CHRM3: variants seen among roughly 807,000 people sequenced by gnomAD.
The protein encoded by CHRM3 is cholinergic receptor muscarinic 3.
A neutral mutation model predicts 41.8 loss-of-function variants in CHRM3; 11 were observed. The ratio of observed to expected loss-of-function variants is 0.26; its 90% confidence interval spans 0.17 to 0.44. CHRM3 has a LOEUF of 0.44. Ranked by LOEUF, CHRM3 falls within the 20% of genes least tolerant of loss-of-function variation. The pLI, the probability that CHRM3 is intolerant of heterozygous loss-of-function variation, is 1.00. For missense variants in CHRM3, 571 were observed against 745.4 expected, an observed-to-expected ratio of 0.77 and a Z score of 2.72; for synonymous variants, 297 against 301.4, an observed-to-expected ratio of 0.99 and a Z score of 0.15.
intron 1 of CHRM3, among the ~76,000 whole-genome samples, chr1:239,465,877 C>T (rs902716729): frequency 6.6e-6 from 1 of 152,302 alleles, no homozygotes; most frequent in East Asian, 1.9e-4. Context: ...ACCTCTTTCA[C>T]CCCTGCTATC....
intron 5 of CHRM3, among the ~76,000 whole-genome samples, chr1:239,797,963 C>T (rs1031480501): frequency 6.6e-6 from 1 of 152,078 alleles, no homozygotes; most frequent in Non-Finnish European, 1.5e-5. Context: ...GCGGGATGAT[C>T]ACTTGAGCCC....
chr1:239,644,909 G>A (rs182496895), intron 4 of CHRM3, among the ~76,000 whole-genome samples: 152 of 152,290 alleles, frequency 1.0e-3, no homozygotes, highest in African/African-American at 1.3e-3. Flanking sequence ...AGATAAGTGG[G>A]CCTACTTGAG....
At chr1:239,605,810 T>G (rs1666173370) in intron 3 of CHRM3, among the ~76,000 whole-genome samples, 1 of 152,194 alleles carries the variant, frequency 6.6e-6, no homozygotes, top group African/African-American at 2.4e-5. Context: ...TGAGTGGTAA[T>G]GAAGGTTTTT....
At chr1:239,495,293 G>C (rs538504955) in intron 2 of CHRM3, among the ~76,000 whole-genome samples, 1 of 152,206 alleles carries the variant, frequency 6.6e-6, no homozygotes, top group Non-Finnish European at 1.5e-5. Context: ...TAGGCATTTG[G>C]GTCTTCCCCA....
intron 3 of CHRM3, among the ~76,000 whole-genome samples, chr1:239,558,576 T>A (rs1660585083): frequency 6.6e-6 from 1 of 152,206 alleles, no homozygotes; most frequent in African/African-American, 2.4e-5. Flanking sequence ...TTTCCCTAAT[T>A]GCTTACTTTC....
chr1:239,850,956 A>G (rs1186776463), intron 6 of CHRM3, among the ~76,000 whole-genome samples: 7 of 152,132 alleles, frequency 4.6e-5, no homozygotes, highest in African/African-American at 1.2e-4. Context: ...TAGGTTTCCA[A>G]TTATGGGATA....
At chr1:239,556,627 T>C (rs931450948) in intron 3 of CHRM3, among the ~76,000 whole-genome samples, 3 of 152,184 alleles carry the variant, frequency 2.0e-5, no homozygotes, top group Non-Finnish European at 4.4e-5. Flanking sequence ...ATTCCGATAC[T>C]TCTAATACTA....
At chr1:239,723,998 C>G (rs1234577338) in intron 5 of CHRM3, among the ~76,000 whole-genome samples, 1 of 151,868 alleles carries the variant, frequency 6.6e-6, no homozygotes, top group African/African-American at 2.4e-5. Context: ...AGCTGACATT[C>G]ACTGAAGCCA....
intron 5 of CHRM3, among the ~76,000 whole-genome samples, chr1:239,790,133 G>A (rs559159407): frequency 4.6e-5 from 7 of 152,210 alleles, no homozygotes; most frequent in African/African-American, 1.2e-4. Flanking sequence ...TTGATTTTAC[G>A]GGCTCATAGG....
intron 2 of CHRM3, among the ~76,000 whole-genome samples, chr1:239,508,586 A>G (rs1398083471): frequency 6.6e-6 from 1 of 152,178 alleles, no homozygotes; most frequent in Non-Finnish European, 1.5e-5. Context: ...TTCTACACTT[A>G]TTATTCTACT....
At chr1:239,656,346 G>T (rs1672718063) in intron 4 of CHRM3, among the ~76,000 whole-genome samples, 1 of 151,720 alleles carries the variant, frequency 6.6e-6, no homozygotes, top group South Asian at 2.1e-4. Flanking sequence ...AAAGGGTTAG[G>T]TATGATAGCT....
At chr1:239,486,854 C>T (rs1004402074) in intron 1 of CHRM3, among the ~76,000 whole-genome samples, 1 of 152,132 alleles carries the variant, frequency 6.6e-6, no homozygotes, top group Non-Finnish European at 1.5e-5. Flanking sequence ...GGAAGGTTAC[C>T]TTCTTAAAGG....
At chr1:239,557,876 G>A (rs1660507715) in intron 3 of CHRM3, among the ~76,000 whole-genome samples, 1 of 152,224 alleles carries the variant, frequency 6.6e-6, no homozygotes, top group East Asian at 1.9e-4. Flanking sequence ...TCTTTATCCA[G>A]TCTATCATTG....
intron 5 of CHRM3, among the ~76,000 whole-genome samples, chr1:239,682,708 G>A (rs1658686648): frequency 6.6e-6 from 1 of 151,414 alleles, no homozygotes; most frequent in African/African-American, 2.4e-5. Flanking sequence ...ATGGACACTT[G>A]GTAATTTTGA....
chr1:239,444,542 C>G (rs1439511437), intron 1 of CHRM3, among the ~76,000 whole-genome samples: 1 of 151,872 alleles, frequency 6.6e-6, no homozygotes. Context: ...GTGAATAGGA[C>G]TTTGTCAAGG....
At chr1:239,522,628 G>C (rs772927672) in intron 2 of CHRM3, among the ~76,000 whole-genome samples, 57 of 152,298 alleles carry the variant, frequency 3.7e-4, no homozygotes, top group Non-Finnish European at 3.5e-4. Context: ...TTCTGCTTTT[G>C]TGCATGTGGA....
intron 6 of CHRM3, among the ~76,000 whole-genome samples, chr1:239,901,088 G>A (rs763370885): frequency 6.6e-6 from 1 of 152,184 alleles, no homozygotes; most frequent in African/African-American, 2.4e-5. Flanking sequence ...TTCTGCCATG[G>A]TGACCTAGTG....
intron 1 of CHRM3, among the ~76,000 whole-genome samples, chr1:239,473,818 A>G (rs945695322): frequency 6.6e-6 from 1 of 152,064 alleles, no homozygotes; most frequent in Non-Finnish European, 1.5e-5. Flanking sequence ...CTGTTAAGGC[A>G]TATGTAAGTA....
At chr1:239,800,521 C>T (rs962826897) in intron 5 of CHRM3, among the ~76,000 whole-genome samples, 2 of 152,204 alleles carry the variant, frequency 1.3e-5, no homozygotes, top group African/African-American at 4.8e-5. Flanking sequence ...CTTAAACAAG[C>T]ATGTGAACCT....
Sources: allele counts gnomAD v4.1 joint callset (sites outside exome capture counted in the v4.1 genomes callset), GRCh38; gene constraint gnomAD v4.1.1; transcripts MANE v1.5; gene names NCBI Gene and HGNC (gene_info 2026-07-23, HGNC 2026-07-21).